MRC2: variants seen among roughly 807,000 people sequenced by gnomAD.
MRC2 encodes mannose receptor C-type 2.
In MRC2, 84 loss-of-function variants were observed where a neutral mutation model predicts 206.2. The observed-to-expected ratio is 0.41, with a 90% CI of 0.34 to 0.49. The LOEUF (loss-of-function observed/expected upper bound fraction) is 0.49, where lower values mean the gene tolerates loss of function less well. Among genes scored for constraint, MRC2 ranks in the 20% least tolerant of loss-of-function variants. The pLI is 0.31. For synonymous variants in MRC2, 798 were observed against 800.0 expected (o/e 1.00, Z 0.04); for missense variants, 1,676 against 2,001.5 (o/e 0.84, Z 3.10).
chr17:62,630,650 G>C (rs766796099), intron 1 of MRC2, among the ~76,000 whole-genome samples: 1 of 152,164 alleles, frequency 6.6e-6, no homozygotes, highest in Non-Finnish European at 1.5e-5. Context: ...TCCGAGCAGA[G>C]GAATGAGGGG....
rs751843435 is a variant in MRC2 at position 62,666,122 on chromosome 17, C to T, written c.549C>T (p.His183=). ...HEVYTIQGNS[H]GKPCTIPFKY... ...TCTACACCATCCAGGGAAACTCCCA[C>T]GGAAAGCCGTGCACCATCCCCTTCA... The change falls in exon 3 of 30, where the codon CAC becomes CAT. Residue 183 remains histidine, a synonymous_variant. Transcript: ENST00000303375. This position sits in a 1 kb window ranked among gnomAD's most constrained non-coding sequence, Gnocchi z 5.0. The T allele has an allele frequency of 3.8e-5, 60 of 1,596,260 alleles. No homozygotes were observed. The highest frequency in any genetic ancestry group is 4.9e-5 in the Non-Finnish European group (57 of 1,171,030).
chr17:62,646,759 T>C (rs759120602), intron 1 of MRC2, among the ~76,000 whole-genome samples: 6 of 152,248 alleles, frequency 3.9e-5, no homozygotes, highest in Non-Finnish European at 8.8e-5. Flanking sequence ...TCTGCATATA[T>C]GAGTTCAAGT....
chr17:62,678,382 C>T, intron 12 of MRC2, 122 bp from the exon 13 acceptor site: 1 of 1,349,722 alleles, frequency 7.4e-7, no homozygotes. Flanking sequence ...CCTTAGCTAG[C>T]CTTAGCCCCC....
chr17:62,678,246 G>A (rs1244849236), intron 12 of MRC2, among the ~76,000 whole-genome samples: 2 of 152,226 alleles, frequency 1.3e-5, no homozygotes, highest in East Asian at 3.8e-4. Flanking sequence ...CCCACGTTAA[G>A]CTGTGGCTCT....
At chr17:62,690,420 C>T in intron 26 of MRC2, 115 bp downstream of exon 26, 1 of 1,412,658 alleles carries the variant, frequency 7.1e-7, no homozygotes, top group Non-Finnish European at 9.5e-7. Context: ...AGCACTTACA[C>T]AAGATGCCCT....
Position 62,671,543 on chromosome 17 carries a change from A to T in MRC2, c.1118-106A>T. The T allele has an allele frequency of 2.0e-6, 2 of 1,007,278 alleles. No homozygotes were observed. Among genetic ancestry groups the T allele is most frequent in the Non-Finnish European group, 2.9e-6 (2 of 698,016 alleles). 62.4% of individuals were successfully genotyped at this position (1,007,278 alleles called of 1,614,324 possible). A position where few individuals can be genotyped will look rare whatever the true frequency, so the allele number is the denominator to read the frequency against. Reference sequence around the variant, plus strand: ...CCGGGATTGATCTGGGAGAGTTTGGAGAGGAGGTGACTGGGAGGCCTCGCC... The same window carrying T: ...CCGGGATTGATCTGGGAGAGTTTGGTGAGGAGGTGACTGGGAGGCCTCGCC... On this transcript the variant is annotated intron_variant, in intron 6 of 29. Coordinates refer to ENST00000303375, the MANE Select transcript of MRC2 (RefSeq NM_006039.5). This position sits in a 1 kb window ranked among gnomAD's most constrained non-coding sequence, Gnocchi z 4.5.
At chr17:62,659,220 C>T (rs1268566395) in intron 1 of MRC2, among the ~76,000 whole-genome samples, 3 of 152,200 alleles carry the variant, frequency 2.0e-5, no homozygotes, top group South Asian at 4.1e-4. Flanking sequence ...GTCTCACATC[C>T]TAATGCCATC....
rs201367334 is a variant in MRC2 at position 62,690,028 on chromosome 17, C to G, written c.3708C>G (p.Thr1236=). ...CCTGGCGCACCACCAGCTGTGACAC[C>G]AAGCTGCAGGGGGCTGTGTGTGGGG... The part of the protein sequence containing the change: ...DGAWRTTSCD[T]KLQGAVCGVS... Residue 1236 remains threonine (T), a synonymous_variant, in exon 25 of 30, where the codon ACC becomes ACG. Transcript: ENST00000303375. 38 of 1,609,172 alleles carry G rather than the reference C, an allele frequency of 2.4e-5. No homozygotes were observed. Among genetic ancestry groups the G allele is most frequent in the Non-Finnish European group, 3.1e-5 (36 of 1,177,934 alleles).
intron 1 of MRC2, among the ~76,000 whole-genome samples, chr17:62,633,151 A>T (rs569903639): frequency 3.3e-5 from 5 of 152,300 alleles, no homozygotes; most frequent in African/African-American, 1.2e-4. Flanking sequence ...TGTCCCTGGT[A>T]CACTACTGGG....
At chr17:62,641,638 AT>A (rs1043180381) in intron 1 of MRC2, among the ~76,000 whole-genome samples, 1 of 152,256 alleles carries the variant, frequency 6.6e-6, no homozygotes, top group Non-Finnish European at 1.5e-5. Flanking sequence ...GGAAAGAGAT[AT>A]GGATAAATTA....
intron 20 of MRC2, among the ~76,000 whole-genome samples, chr17:62,686,669 C>T (rs575983905): frequency 3.3e-5 from 5 of 152,288 alleles, no homozygotes; most frequent in South Asian, 2.1e-4. Context: ...TACACTTGCA[C>T]ATGGCAGGGA....
chr17:62,654,899 G>C (rs2088598202), intron 1 of MRC2, among the ~76,000 whole-genome samples: 1 of 152,184 alleles, frequency 6.6e-6, no homozygotes, highest in South Asian at 2.1e-4. Context: ...CTGCACTTTG[G>C]AAGGCCAAGG....
chr17:62,685,398 T>C (rs1406151871), intron 20 of MRC2, among the ~76,000 whole-genome samples: 1 of 152,216 alleles, frequency 6.6e-6, no homozygotes, highest in Non-Finnish European at 1.5e-5. Flanking sequence ...GCATCTCTCA[T>C]GTTATAAAGT....
intron 1 of MRC2, among the ~76,000 whole-genome samples, chr17:62,655,026 C>A (rs1415069555): frequency 6.6e-6 from 1 of 152,228 alleles, no homozygotes; most frequent in East Asian, 1.9e-4. Flanking sequence ...TGGCTCACAC[C>A]TGTAATCCCA....
chr17:62,682,329 T>A lies in MRC2; in HGVS notation c.2898T>A (p.Thr966=). The A allele has an allele frequency of 6.2e-7, 1 of 1,607,818 alleles. No individual in the cohort carries two copies. Among genetic ancestry groups the A allele is most frequent in the Non-Finnish European group, 8.5e-7 (1 of 1,177,498 alleles). ...TKETQPPDLP[T]TALGGCPSDW... ...AAACGCAGCCCCCAGACCTGCCAAC[T>A]ACAGCCCTGGGGGGCTGCCCCTCTG... The change falls in exon 20 of 30, where the codon ACT becomes ACA. Residue 966 remains threonine (T), a synonymous_variant. Coordinates refer to ENST00000303375, the MANE Select transcript of MRC2 (RefSeq NM_006039.5).
Position 62,679,816 on chromosome 17 carries a change from A to G in MRC2, c.2212A>G (p.Ile738Val). The part of the protein sequence containing the change: ...NKIFGESEPE[I>V]HEQHWFWIGL... ...GTGCTGAAGTGAATCAGAACCCGAGATCCACGAGCAGCACTGGTTCTGGAT... is the reference window on the plus strand; with the variant it reads ...GTGCTGAAGTGAATCAGAACCCGAGGTCCACGAGCAGCACTGGTTCTGGAT... The change falls in exon 14 of 30, where the codon ATC becomes GTC. Residue 738 changes from isoleucine (I) to valine (V), a missense_variant. Physicochemically the swap from Ile to Val is conservative, Grantham distance 29. This residue lies in a region of MRC2 where 1,354 missense variants were observed against 1,636.6 expected (regional missense o/e 0.83). Transcript: ENST00000303375. 1 of 1,613,928 alleles carries G rather than the reference A, an allele frequency of 6.2e-7. No individual in the cohort carries two copies. Among genetic ancestry groups the G allele is most frequent in the Non-Finnish European group, 8.5e-7 (1 of 1,179,984 alleles).
Position 62,692,066 on chromosome 17 carries a change from C to T in MRC2, c.4193-46C>T, listed in dbSNP as rs535091766. The T allele has an allele frequency of 7.4e-6, 12 of 1,611,260 alleles. No individual in the cohort carries two copies. The East Asian group carries it at 1.8e-4, about 24-fold the overall frequency. ...TGTATGTTTACTTAAGTGATTATTA[C>T]GATGATCACTGCTATTATTAACTGG... On this transcript the variant is annotated intron_variant, in intron 28 of 29. Transcript: ENST00000303375. This position sits in a 1 kb window ranked among gnomAD's most constrained non-coding sequence, Gnocchi z 4.2.
chr17:62,669,683 G>A (rs774191039), intron 6 of MRC2, among the ~76,000 whole-genome samples: 1 of 151,930 alleles, frequency 6.6e-6, no homozygotes, highest in South Asian at 2.1e-4. Context: ...CTCCCGAGTA[G>A]CTGGGATTAT....
intron 6 of MRC2, among the ~76,000 whole-genome samples, chr17:62,668,255 G>T (rs907229381): frequency 2.0e-5 from 3 of 151,926 alleles, no homozygotes; most frequent in Non-Finnish European, 4.4e-5. Flanking sequence ...GGGAGGTCGA[G>T]GTGGGAGGAT....
Sources: gnomAD v4.1 joint callset for allele counts (sites outside exome capture counted in the v4.1 genomes callset) on GRCh38, gnomAD v4.1.1 for gene constraint, gnomAD v4.1.1 regional missense constraint, Gnocchi (gnomAD v3.1) non-coding constraint, MANE v1.5 for transcripts, NCBI Gene and HGNC (gene_info 2026-07-23, HGNC 2026-07-21) for gene names.